CHODL: variants seen among roughly 807,000 people sequenced by gnomAD.
CHODL encodes chondrolectin, also known as transmembrane protein MT75.
A neutral mutation model predicts 34.5 loss-of-function variants in CHODL; 29 were observed. That is an observed-to-expected ratio of 0.84 (90% CI 0.63 to 1.15). The LOEUF (loss-of-function observed/expected upper bound fraction) is 1.15, where lower values mean the gene tolerates loss of function less well. Among genes scored for constraint, CHODL ranks in the 50% most tolerant of loss-of-function variants. CHODL has a pLI of 0.00. For synonymous variants in CHODL, 125 were observed against 116.1 expected, an observed-to-expected ratio of 1.08 and a Z score of -0.49; for missense variants, 332 against 332.5, an observed-to-expected ratio of 1.00 and a Z score of 0.01.
At chr21:18,091,044 G>A (rs904418722) in intron 2 of CHODL, among the ~76,000 whole-genome samples, 3 of 152,200 alleles carry the variant, frequency 2.0e-5, no homozygotes, top group Non-Finnish European at 4.4e-5. Flanking sequence ...CTTTGGGGAG[G>A]GAAAGCACAG....
At chr21:17,977,755 A>G (rs1389349253) in intron 1 of CHODL, among the ~76,000 whole-genome samples, 1 of 149,704 alleles carries the variant, frequency 6.7e-6, no homozygotes, top group East Asian at 2.0e-4. Context: ...TGTCTCTACT[A>G]AAAATACAAA....
intron 2 of CHODL, among the ~76,000 whole-genome samples, chr21:18,064,262 G>GT (rs2146489559): frequency 6.6e-6 from 1 of 152,178 alleles, no homozygotes; most frequent in East Asian, 1.9e-4. Flanking sequence ...ATACTCTTAA[G>GT]TCATACCCAT....
intron 1 of CHODL, among the ~76,000 whole-genome samples, chr21:17,965,890 A>C (rs2063567992): frequency 6.7e-6 from 1 of 148,428 alleles, no homozygotes; most frequent in Non-Finnish European, 1.5e-5. Flanking sequence ...CAGCGTTATA[A>C]ATACCTATCA....
At chr21:18,036,827 A>T (rs758786950) in intron 2 of CHODL, among the ~76,000 whole-genome samples, 11 of 151,986 alleles carry the variant, frequency 7.2e-5, no homozygotes, top group Admixed American at 5.9e-4. Flanking sequence ...CTCTAATATT[A>T]GCCAGGAAAC....
At chr21:18,062,083 T>C (rs1477897291) in intron 2 of CHODL, among the ~76,000 whole-genome samples, 1 of 151,902 alleles carries the variant, frequency 6.6e-6, no homozygotes, top group Non-Finnish European at 1.5e-5. Context: ...GATAGGAGAA[T>C]AGGAGGAAGA....
chr21:18,158,757 G>C (rs1014578403), intron 2 of CHODL, among the ~76,000 whole-genome samples: 1 of 149,820 alleles, frequency 6.7e-6, no homozygotes, highest in Non-Finnish European at 1.5e-5. Context: ...AAAATCGCTT[G>C]AACCCGGGAG....
At chr21:18,239,091 C>G (rs1486273064) in intron 2 of CHODL, among the ~76,000 whole-genome samples, 1 of 152,086 alleles carries the variant, frequency 6.6e-6, no homozygotes, top group East Asian at 1.9e-4. Context: ...AAGGATCAAG[C>G]AATAGAAATA....
chr21:18,216,238 G>A (rs1037222318), intron 2 of CHODL, among the ~76,000 whole-genome samples: 3 of 151,852 alleles, frequency 2.0e-5, no homozygotes, highest in African/African-American at 7.3e-5. Context: ...CAGGGTGATT[G>A]GAATATCCAT....
At chr21:18,057,167 G>A (rs775767566) in intron 2 of CHODL, among the ~76,000 whole-genome samples, 2 of 152,150 alleles carry the variant, frequency 1.3e-5, no homozygotes, top group South Asian at 2.1e-4. Context: ...CAGCATTCTG[G>A]GAGTGGAGTG....
chr21:18,182,785 A>T (rs555238825), intron 2 of CHODL, among the ~76,000 whole-genome samples: 22 of 152,266 alleles, frequency 1.4e-4, no homozygotes, highest in African/African-American at 5.3e-4. Context: ...CTTATTTTTT[A>T]AAAAAATACA....
chr21:18,035,996 C>T (rs1021446493), intron 2 of CHODL, among the ~76,000 whole-genome samples: 4 of 151,980 alleles, frequency 2.6e-5, no homozygotes, highest in African/African-American at 9.7e-5. Flanking sequence ...ACTTGGCTGA[C>T]AGACATTATA....
chr21:17,982,681 C>A (rs2063723017), intron 1 of CHODL, among the ~76,000 whole-genome samples: 1 of 147,812 alleles, frequency 6.8e-6, no homozygotes, highest in Admixed American at 6.8e-5. Context: ...CTATAAAAAT[C>A]CCCTTATATA....
chr21:17,975,632 C>T (rs778929048), intron 1 of CHODL, among the ~76,000 whole-genome samples: 11 of 152,102 alleles, frequency 7.2e-5, no homozygotes, highest in East Asian at 1.9e-4. Context: ...GCTTTTAATT[C>T]GATGTTTCTT....
rs554926271 is a variant in CHODL, at chr21:18,199,910, C to T, written c.-44-56599C>T. Among the ~76,000 whole-genome samples the T allele has an allele frequency of 3.2e-4, 49 of 152,252 alleles. 1 individual carries two copies. The highest frequency in any genetic ancestry group is 1.1e-3 in the African/African-American group (44 of 41,574). ...CAGTCATGAACAAAGCCGCTGTAATCAATCATTCATACACAGATTTCTATG... is the reference window on the plus strand; with the variant it reads ...CAGTCATGAACAAAGCCGCTGTAATTAATCATTCATACACAGATTTCTATG... On this transcript the variant is annotated intron_variant, in intron 2 of 6. Transcript: ENST00000400127.
At chr21:18,215,448 G>A (rs1471810603) in intron 2 of CHODL, among the ~76,000 whole-genome samples, 3 of 152,136 alleles carry the variant, frequency 2.0e-5, no homozygotes, top group Admixed American at 1.3e-4. Flanking sequence ...AAGAGGCATG[G>A]TCTTGACGAT....
At chr21:17,926,273 G>A (rs1664804210) in intron 1 of CHODL, among the ~76,000 whole-genome samples, 1 of 151,480 alleles carries the variant, frequency 6.6e-6, no homozygotes, top group Non-Finnish European at 1.5e-5. Context: ...CTTTGTTTTA[G>A]GTTAGACAAC....
Position 17,921,000 on chromosome 21 carries a change from CCATATA to C in CHODL, c.-145+3602_-145+3607del, listed in dbSNP as rs199873818. ...TTCCAAGCTCCCTTGCAGTTAGGGG[CCATATA>C]CCTAACTTTTGGCCAAGGGTTTGTA... On this transcript the variant is annotated intron_variant, in intron 1 of 6. Transcript: ENST00000400127. Among the ~76,000 whole-genome samples the C allele has an allele frequency of 8.0e-3, 1,215 of 152,194 alleles. 18 individuals carry two copies. The highest frequency in any genetic ancestry group is 0.027 in the African/African-American group (1,119 of 41,506).
intron 2 of CHODL, among the ~76,000 whole-genome samples, chr21:18,042,621 T>G (rs1411236541): frequency 6.6e-6 from 1 of 151,970 alleles, no homozygotes; most frequent in Non-Finnish European, 1.5e-5. Flanking sequence ...ATTCTATATA[T>G]CCAGTGGTTT....
intron 1 of CHODL, among the ~76,000 whole-genome samples, chr21:17,985,563 G>A (rs2063747068): frequency 6.6e-6 from 1 of 152,254 alleles, no homozygotes; most frequent in African/African-American, 2.4e-5. Context: ...ATTAGTTCCT[G>A]AGATAACTTG....
Sources: allele counts gnomAD v4.1 joint callset (sites outside exome capture counted in the v4.1 genomes callset), GRCh38; gene constraint gnomAD v4.1.1; transcripts MANE v1.5; gene names NCBI Gene and HGNC (gene_info 2026-07-23, HGNC 2026-07-21).